The following ELOVL7 variants were observed in gnomAD, a reference collection of about 807,000 sequenced individuals.
ELOVL7 encodes ELOVL fatty acid elongase 7.
ELOVL7 carries 27 observed loss-of-function variants against 35.7 expected under a neutral mutation model. That is an observed-to-expected ratio of 0.76 (90% CI 0.56 to 1.04). The LOEUF is 1.04. Among genes scored for constraint, ELOVL7 ranks in the 50% least tolerant of loss-of-function variants. The pLI, the probability that ELOVL7 is intolerant of heterozygous loss-of-function variation, is 0.00. For synonymous variants in ELOVL7, 113 were observed against 114.6 expected, an observed-to-expected ratio of 0.99 and a Z score of 0.09; for missense variants, 327 against 340.8, an observed-to-expected ratio of 0.96 and a Z score of 0.32.
At chr5:60,764,572 CT>C (rs919520662) in intron 6 of ELOVL7, among the ~76,000 whole-genome samples, 111 of 151,988 alleles carry the variant, frequency 7.3e-4, no homozygotes, top group African/African-American at 2.4e-3. Context: ...CAAAAAGAAA[CT>C]TTATGTAGAT....
chr5:60,799,428 C>T (rs577615705), intron 1 of ELOVL7, among the ~76,000 whole-genome samples, 198 bp from the exon 2 acceptor site: 24 of 151,852 alleles, frequency 1.6e-4, no homozygotes, highest in African/African-American at 5.8e-4. Flanking sequence ...ACAAAACTGA[C>T]AAACCTTTAG....
intron 3 of ELOVL7, among the ~76,000 whole-genome samples, chr5:60,774,471 A>G (rs938148518): frequency 6.6e-6 from 1 of 152,172 alleles, no homozygotes; most frequent in African/African-American, 2.4e-5. Context: ...AAAACCCTCA[A>G]CAAACTAGAC....
chr5:60,801,166 G>A (rs1015891629), intron 1 of ELOVL7, among the ~76,000 whole-genome samples: 1 of 152,002 alleles, frequency 6.6e-6, no homozygotes, highest in Non-Finnish European at 1.5e-5. Context: ...GAGCTCAGGT[G>A]ATCCTCCCAC....
chr5:60,785,840 C>G (rs1441474078), intron 3 of ELOVL7: 1 of 152,176 alleles, frequency 6.6e-6, no homozygotes, highest in South Asian at 2.1e-4. Context: ...CCTTGGCATT[C>G]CTCAAAGGAA....
intron 6 of ELOVL7, among the ~76,000 whole-genome samples, chr5:60,764,765 A>G (rs889514794): frequency 6.6e-6 from 1 of 152,186 alleles, no homozygotes; most frequent in African/African-American, 2.4e-5. Flanking sequence ...GCAAACGAAG[A>G]GGACTTGCAA....
intron 3 of ELOVL7, among the ~76,000 whole-genome samples, chr5:60,778,979 G>A (rs1206118115): frequency 6.6e-6 from 1 of 152,114 alleles, no homozygotes; most frequent in African/African-American, 2.4e-5. Context: ...GGAGCTACAG[G>A]CCCCATGCAA....
At chr5:60,754,908 C>T in intron 8 of ELOVL7, 75 bp from the exon 9 acceptor site, 2 of 1,294,180 alleles carry the variant, frequency 1.5e-6, no homozygotes, top group Non-Finnish European at 2.2e-6. Flanking sequence ...TATGTTTATG[C>T]ACTCCCAAAG....
intron 1 of ELOVL7, among the ~76,000 whole-genome samples, chr5:60,803,125 C>T (rs1744740622): frequency 1.3e-5 from 2 of 152,118 alleles, no homozygotes; most frequent in South Asian, 4.1e-4. Flanking sequence ...GCATCACATG[C>T]CAACATTTAA....
At position 60,757,500 on chromosome 5, in the gene ELOVL7, A is replaced by G; in HGVS notation, c.636+9T>C. 1 of 1,612,692 alleles carries G rather than the reference A, an allele frequency of 6.2e-7. No homozygotes were observed. The highest frequency in any genetic ancestry group is 8.5e-7 in the Non-Finnish European group (1 of 1,179,256). ...TCATATATGGTTTTAAAGACAATTA[A>G]TTACTCACAAGCTGTAATGATGTCA... On this transcript the variant is annotated intron_variant, in intron 8 of 8. Transcript: ENST00000508821.
intron 3 of ELOVL7, among the ~76,000 whole-genome samples, chr5:60,773,001 G>A (rs997898450): frequency 1.3e-5 from 2 of 152,102 alleles, no homozygotes; most frequent in African/African-American, 2.4e-5. Flanking sequence ...GAGTCCATGT[G>A]AGCTAACAAC....
intron 7 of ELOVL7, among the ~76,000 whole-genome samples, chr5:60,758,149 T>A (rs1485302866): frequency 6.6e-6 from 1 of 152,116 alleles, no homozygotes; most frequent in Non-Finnish European, 1.5e-5. Flanking sequence ...GTAGCTTTAC[T>A]CTAACTTCTT....
intron 6 of ELOVL7, among the ~76,000 whole-genome samples, chr5:60,765,531 C>T (rs1742182985): frequency 6.6e-6 from 1 of 152,252 alleles, no homozygotes; most frequent in Admixed American, 6.5e-5. Flanking sequence ...CTGGAACCAC[C>T]AGAATACAGG....
chr5:60,767,450 T>C (rs1310751526), intron 5 of ELOVL7, among the ~76,000 whole-genome samples: 1 of 152,196 alleles, frequency 6.6e-6, no homozygotes, highest in East Asian at 1.9e-4. Flanking sequence ...TTTTGGCTGT[T>C]ATAAATAATG....
intron 1 of ELOVL7, among the ~76,000 whole-genome samples, chr5:60,820,009 C>A (rs998071316): frequency 1.3e-5 from 2 of 152,192 alleles, no homozygotes; most frequent in African/African-American, 4.8e-5. Context: ...AAGTAGAGAA[C>A]TGTCTCTGGC....
At chr5:60,761,885 G>A (rs1741933026) in intron 7 of ELOVL7, among the ~76,000 whole-genome samples, 1 of 151,948 alleles carries the variant, frequency 6.6e-6, no homozygotes, top group Non-Finnish European at 1.5e-5. Context: ...AGGGCAAATG[G>A]GCCTGCGGCA....
At chr5:60,779,738 C>T (rs1480205592) in intron 3 of ELOVL7, among the ~76,000 whole-genome samples, 2 of 152,236 alleles carry the variant, frequency 1.3e-5, no homozygotes, top group Non-Finnish European at 2.9e-5. Flanking sequence ...TAACATTCAG[C>T]TCCTGCTACT....
intron 4 of ELOVL7, among the ~76,000 whole-genome samples, chr5:60,769,489 A>T (rs999622237): frequency 6.6e-6 from 1 of 152,234 alleles, no homozygotes; most frequent in Non-Finnish European, 1.5e-5. Context: ...TCACTACACA[A>T]GAAGGCATCT....
chr5:60,764,583 T>C (rs1227958711), intron 6 of ELOVL7, among the ~76,000 whole-genome samples: 1 of 152,060 alleles, frequency 6.6e-6, no homozygotes. Context: ...TTTATGTAGA[T>C]TTAAAAATCA....
intron 1 of ELOVL7, among the ~76,000 whole-genome samples, chr5:60,835,474 C>T (rs541698477): frequency 2.1e-4 from 32 of 152,002 alleles, no homozygotes; most frequent in African/African-American, 7.5e-4. Context: ...TACAGTGGTG[C>T]AATCACAGCT....
Sources: allele counts gnomAD v4.1 joint callset (sites outside exome capture counted in the v4.1 genomes callset), GRCh38; gene constraint gnomAD v4.1.1; transcripts MANE v1.5; gene names NCBI Gene and HGNC (gene_info 2026-07-23, HGNC 2026-07-21).